Variants in PBX1 observed in about 807,000 individuals in gnomAD.
PBX1 encodes the protein pre-B-cell leukemia transcription factor 1.
In PBX1, 6 loss-of-function variants were observed where a neutral mutation model predicts 53.4. The ratio of observed to expected loss-of-function variants is 0.11; its 90% CI spans 0.06 to 0.22. The LOEUF (loss-of-function observed/expected upper bound fraction) is 0.22, where lower values mean the gene tolerates loss of function less well. Ranked by LOEUF, PBX1 falls within the 10% of genes least tolerant of loss-of-function variation. The pLI is 1.00. For synonymous variants in PBX1, 204 were observed against 212.3 expected (o/e 0.96, Z 0.34); for missense variants, 251 against 551.4 (o/e 0.46, Z 5.46).
intron 2 of PBX1, among the ~76,000 whole-genome samples, chr1:164,578,912 G>C (rs1654430867): frequency 6.6e-6 from 1 of 151,264 alleles, no homozygotes; most frequent in African/African-American, 2.4e-5. Context: ...ACTCTCTTTT[G>C]TTCTCTTCCT....
chr1:164,665,140 A>G (rs2101957827), intron 2 of PBX1, among the ~76,000 whole-genome samples: 1 of 152,364 alleles, frequency 6.6e-6, no homozygotes, highest in Non-Finnish European at 1.5e-5. Flanking sequence ...GATCTCTTGT[A>G]CATTGGCAAC....
chr1:164,601,761 T>C (rs1656194637), intron 2 of PBX1, among the ~76,000 whole-genome samples: 1 of 152,206 alleles, frequency 6.6e-6, no homozygotes, highest in African/African-American at 2.4e-5. Flanking sequence ...ATTTAAATGC[T>C]GCAGTTGGAT....
chr1:164,716,679 C>A (rs964607394), intron 2 of PBX1, among the ~76,000 whole-genome samples: 1 of 131,870 alleles, frequency 7.6e-6, no homozygotes, highest in African/African-American at 2.9e-5. Flanking sequence ...TGGGAAATGT[C>A]ATCTCTACAC....
intron 8 of PBX1, among the ~76,000 whole-genome samples, chr1:164,828,163 A>G (rs1256219864): frequency 2.0e-5 from 3 of 152,234 alleles, no homozygotes; most frequent in Non-Finnish European, 4.4e-5. Context: ...TATTTTGTAG[A>G]AACTGCTTCT....
chr1:164,635,365 C>T (rs572426496), intron 2 of PBX1, among the ~76,000 whole-genome samples: 1 of 152,242 alleles, frequency 6.6e-6, no homozygotes, highest in South Asian at 2.1e-4. Flanking sequence ...ACCACCAAAG[C>T]AGTCAAATGC....
intron 2 of PBX1, among the ~76,000 whole-genome samples, chr1:164,648,783 G>A (rs1659613892): frequency 6.6e-6 from 1 of 152,178 alleles, no homozygotes; most frequent in Non-Finnish European, 1.5e-5. Context: ...ATCAGCTTCT[G>A]CAGAGATTAC....
Position 164,846,895 on chromosome 1 carries a change from C to G in PBX1, c.*219C>G. 1 of 1,382,592 alleles carries G rather than the reference C, an allele frequency of 7.2e-7. No individual in the cohort carries two copies. The highest frequency in any genetic ancestry group is 9.4e-7 in the Non-Finnish European group (1 of 1,067,512). 85.6% of individuals were successfully genotyped at this position (1,382,592 alleles called of 1,614,324 possible). On this transcript the variant is annotated 3_prime_UTR_variant, in exon 9 of 9. Transcript: ENST00000420696. The stretch of plus-strand genomic sequence containing the variant: ...CTTTTTTTTCTGGGTAGAAGCCACC[C>G]TTCCCTGCCTCCAGCTGTCAGCCTG...
Position 164,849,123 on chromosome 1 carries a change from G to C in PBX1, c.*2447G>C. ...GGTTGAATCACATTTGCTTGACTTA[G>C]GGCAAAGTACGAAAGAGAGACAAAA... On this transcript the variant is annotated 3_prime_UTR_variant, in exon 9 of 9. Coordinates refer to ENST00000420696, the MANE Select transcript of PBX1 (RefSeq NM_002585.4). 1 of 1,371,388 alleles carries C rather than the reference G, an allele frequency of 7.3e-7. No individual in the cohort carries two copies. Among genetic ancestry groups the C allele is most frequent in the South Asian group, 1.8e-5 (1 of 56,730 alleles). 85.0% of individuals were successfully genotyped at this position (1,371,388 alleles called of 1,614,324 possible).
At chr1:164,674,613 G>C (rs1486810610) in intron 2 of PBX1, 1 of 152,146 alleles carries the variant, frequency 6.6e-6, no homozygotes, top group Non-Finnish European at 1.5e-5. Context: ...GAACCACTAA[G>C]TACTATTAAG....
Position 164,846,752 on chromosome 1 carries a change from C to T in PBX1, c.*76C>T, listed in dbSNP as rs3205270. 54 of 1,611,272 alleles carry T rather than the reference C, an allele frequency of 3.4e-5. No homozygotes were observed. The highest frequency in any genetic ancestry group is 4.4e-5 in the Non-Finnish European group (52 of 1,178,952). On this transcript the variant is annotated 3_prime_UTR_variant, in exon 9 of 9. Transcript: ENST00000420696. ...GCAGGAGGGAGGGTTTCTCTCCCAA[C>T]GCTGAAGCGGTCAGACTGGAGGTCG...
At chr1:164,882,517 C>T (rs1672684790) in intron 2 of PBX1, among the ~76,000 whole-genome samples, 1 of 152,134 alleles carries the variant, frequency 6.6e-6, no homozygotes, top group Non-Finnish European at 1.5e-5. Context: ...AGTCTATAGT[C>T]CAAATTTATT....
At chr1:164,702,802 ATTC>A (rs1306865780) in intron 2 of PBX1, among the ~76,000 whole-genome samples, 7 of 151,944 alleles carry the variant, frequency 4.6e-5, no homozygotes, top group Admixed American at 6.6e-5. Flanking sequence ...GAGGAGGAAA[ATTC>A]TTCTTCTCGT....
At chr1:164,807,475 A>T in intron 4 of PBX1, 67 bp from the exon 5 acceptor site, 1 of 1,550,120 alleles carries the variant, frequency 6.5e-7, no homozygotes, top group Non-Finnish European at 8.7e-7. Flanking sequence ...AAGTAGATTT[A>T]TTCTCTCCCA....
chr1:164,801,061 C>G (rs949929329), intron 4 of PBX1, among the ~76,000 whole-genome samples: 2 of 152,120 alleles, frequency 1.3e-5, no homozygotes, highest in African/African-American at 4.8e-5. Context: ...TTTCCTCACT[C>G]CCTTTTAGTC....
At chr1:164,870,218 TTTCCTTCCTTCC>T (rs1553255671) in intron 2 of PBX1, among the ~76,000 whole-genome samples, 35 of 55,184 alleles carry the variant, frequency 6.3e-4, no homozygotes, top group African/African-American at 1.9e-3. Context: ...CTTTTCTTTC[TTTCCTTCCTTCC>T]TTCCTTCCTT....
chr1:164,754,154 C>T (rs1666377371), intron 2 of PBX1, among the ~76,000 whole-genome samples: 1 of 152,030 alleles, frequency 6.6e-6, no homozygotes, highest in Non-Finnish European at 1.5e-5. Context: ...GCCTATGTGC[C>T]CGGCTGGTGT....
chr1:164,782,617 A>G (rs538918612), intron 2 of PBX1, among the ~76,000 whole-genome samples: 12 of 152,330 alleles, frequency 7.9e-5, no homozygotes, highest in African/African-American at 2.9e-4. Flanking sequence ...TGGGAGCAAA[A>G]TGTTCTTTAT....
chr1:164,618,160 G>A (rs891836843), intron 2 of PBX1, among the ~76,000 whole-genome samples: 4 of 152,096 alleles, frequency 2.6e-5, no homozygotes, highest in African/African-American at 7.2e-5. Context: ...TGGCATTGTC[G>A]TAACTCTGTA....
intron 2 of PBX1, among the ~76,000 whole-genome samples, chr1:164,747,153 A>G (rs1229700962): frequency 6.6e-6 from 1 of 152,106 alleles, no homozygotes; most frequent in African/African-American, 2.4e-5. Context: ...TGACTCTACC[A>G]TTTGTGTTCT....
Sources: gnomAD v4.1 joint callset for allele counts (sites outside exome capture counted in the v4.1 genomes callset) on GRCh38, gnomAD v4.1.1 for gene constraint, MANE v1.5 for transcripts, NCBI Gene and HGNC (gene_info 2026-07-23, HGNC 2026-07-21) for gene names.